Variants in PCYT1A observed in about 807,000 individuals in gnomAD.
PCYT1A encodes the protein phosphate cytidylyltransferase 1A, choline.
A neutral mutation model predicts 43.7 loss-of-function variants in PCYT1A; 25 were observed. The observed-to-expected ratio is 0.57, with a 90% CI of 0.42 to 0.80. PCYT1A has a LOEUF of 0.80. Among genes scored for constraint, PCYT1A ranks in the 30% least tolerant of loss-of-function variants. The pLI is 0.00. For missense variants in PCYT1A, 421 were observed against 474.2 expected (o/e 0.89, Z 1.04); for synonymous variants, 172 against 170.7 (o/e 1.01, Z -0.06).
Position 196,273,566 on chromosome 3 carries a change from G to A in PCYT1A, c.-10-3025C>T, listed in dbSNP as rs138252041. 7.4e-4 allele frequency among the ~76,000 whole-genome samples: 112 copies of A among 150,806 alleles called. No individual in the cohort carries two copies. The highest frequency in any genetic ancestry group is 2.6e-3 in the African/African-American group (105 of 40,136). The stretch of plus-strand genomic sequence containing the variant: ...TCCCAGCATCTGTGCAGCCCTCAGC[G>A]GAGAGGAGACCCAGAGTGGATAGCT... On this transcript the variant is annotated intron_variant, in intron 1 of 8. Transcript: ENST00000431016. This position sits in a 1 kb window ranked among gnomAD's most constrained non-coding sequence, Gnocchi z 4.1.
At chr3:196,255,778 T>C (rs1356567995) in intron 3 of PCYT1A, among the ~76,000 whole-genome samples, 1 of 152,190 alleles carries the variant, frequency 6.6e-6, no homozygotes, top group Non-Finnish European at 1.5e-5. Flanking sequence ...ATAGACAAAT[T>C]AGCAACAAAC....
intron 2 of PCYT1A, among the ~76,000 whole-genome samples, chr3:196,267,036 G>A (rs563160010): frequency 3.8e-4 from 58 of 152,044 alleles, no homozygotes; most frequent in South Asian, 1.2e-3. Context: ...AAAATCAGCC[G>A]GATGTGGTGG....
intron 3 of PCYT1A, among the ~76,000 whole-genome samples, chr3:196,251,120 A>G (rs982356552): frequency 6.6e-6 from 1 of 151,302 alleles, no homozygotes; most frequent in South Asian, 2.1e-4. Context: ...GATCAGATAC[A>G]CCATGCTGAG....
At chr3:196,254,032 ATT>A (rs900744793) in intron 3 of PCYT1A, among the ~76,000 whole-genome samples, 1 of 146,026 alleles carries the variant, frequency 6.8e-6, no homozygotes. Context: ...AGATAGATAG[ATT>A]TTTTTTTTTT....
Position 196,250,106 on chromosome 3 carries a change from G to C in PCYT1A, c.218-1783C>G, listed in dbSNP as rs113482302. Among the ~76,000 whole-genome samples the C allele has an allele frequency of 4.5e-5, 5 of 110,888 alleles. No homozygotes were observed. The Admixed American group carries it at 4.7e-4, about 10-fold the overall frequency. The allele number at this position is 110,888 out of a possible 152,430, so 72.7% of individuals were successfully genotyped here. A position where few individuals can be genotyped will look rare whatever the true frequency, so the allele number is the denominator to read the frequency against. ...ACACCATGCCGAGGCTGAGGACCAG[G>C]TACACCATGCCGAGGCTGAGGACCA... On this transcript the variant is annotated intron_variant, in intron 3 of 8. Coordinates refer to ENST00000431016, the MANE Select transcript of PCYT1A (RefSeq NM_001312673.2).
At chr3:196,285,790 T>C (rs749759545) in intron 1 of PCYT1A, among the ~76,000 whole-genome samples, 13 of 152,214 alleles carry the variant, frequency 8.5e-5, no homozygotes, top group Admixed American at 3.9e-4. Flanking sequence ...TTACTGCTAT[T>C]ACTGCACTAA....
At chr3:196,264,352 G>A (rs1410321352) in intron 2 of PCYT1A, among the ~76,000 whole-genome samples, 1 of 152,128 alleles carries the variant, frequency 6.6e-6, no homozygotes, top group Non-Finnish European at 1.5e-5. Flanking sequence ...GCCTCCTGAA[G>A]GGCTGCGATT....
At chr3:196,245,200 G>C in intron 5 of PCYT1A, among the ~76,000 whole-genome samples, 1 of 149,826 alleles carries the variant, frequency 6.7e-6, no homozygotes, top group Non-Finnish European at 1.5e-5. Flanking sequence ...GGAGTGTAGT[G>C]GCACAGTCTC....
rs372564245 is a variant in PCYT1A at position 196,282,747 on chromosome 3, C to T, written c.-11+4868G>A. Among the ~76,000 whole-genome samples the T allele has an allele frequency of 6.6e-6, 1 of 152,050 alleles. No homozygotes were observed. The highest frequency in any genetic ancestry group is 6.6e-5 in the Admixed American group (1 of 15,254). ...CCATAACACAAAAAAGATTAAGATTCCTGTTCTACGGTCAAAAAATAAAGA... is the reference window on the plus strand; with the variant it reads ...CCATAACACAAAAAAGATTAAGATTTCTGTTCTACGGTCAAAAAATAAAGA... On this transcript the variant is annotated intron_variant, in intron 1 of 8. Coordinates refer to ENST00000431016, the MANE Select transcript of PCYT1A (RefSeq NM_001312673.2). This position sits in a 1 kb window ranked among gnomAD's most constrained non-coding sequence, Gnocchi z 4.3.
At position 196,276,163 on chromosome 3, in the gene PCYT1A, G is replaced by A. The variant is rs573420737; in HGVS notation, c.-10-5622C>T. ...TTTATATTTCAAAATTGCTAAAAGA[G>A]TAGATTTTAAATGTTTTCACCACAA... On this transcript the variant is annotated intron_variant, in intron 1 of 8. Coordinates refer to ENST00000431016, the MANE Select transcript of PCYT1A (RefSeq NM_001312673.2). Among the ~76,000 whole-genome samples the A allele has an allele frequency of 3.3e-5, 5 of 151,204 alleles. No homozygotes were observed. In the East Asian group the frequency reaches 7.7e-4, roughly 23 times the overall value.
chr3:196,285,460 A>AAAATAAATAAAT (rs140101571), intron 1 of PCYT1A, among the ~76,000 whole-genome samples: 1 of 151,306 alleles, frequency 6.6e-6, no homozygotes, highest in Admixed American at 6.6e-5. Context: ...CTCTGTCTCA[A>AAAATAAATAAAT]AAATAAATAA....
chr3:196,242,710 G>T lies in PCYT1A; in HGVS notation c.487-70C>A. ...CAGAAAGACCCAGTCAATGTTCTCA[G>T]GCCCAGAAAAAGGACAATAGGCAGA... On this transcript the variant is annotated intron_variant, in intron 5 of 8. Coordinates refer to ENST00000431016, the MANE Select transcript of PCYT1A (RefSeq NM_001312673.2). This position sits in a 1 kb window ranked among gnomAD's most constrained non-coding sequence, Gnocchi z 4.2. The T allele has an allele frequency of 9.4e-7, 1 of 1,062,598 alleles. No individual in the cohort carries two copies. The highest frequency in any genetic ancestry group is 1.5e-6 in the Non-Finnish European group (1 of 678,484). The allele number at this position is 1,062,598 out of a possible 1,614,324, so 65.8% of individuals were successfully genotyped here. A position where few individuals can be genotyped will look rare whatever the true frequency, so the allele number is the denominator to read the frequency against.
intron 2 of PCYT1A, among the ~76,000 whole-genome samples, chr3:196,269,755 T>C (rs1276933645): frequency 6.6e-6 from 1 of 152,048 alleles, no homozygotes; most frequent in Non-Finnish European, 1.5e-5. Flanking sequence ...GGAGGAATGA[T>C]AGAGGGAGAA....
chr3:196,261,808 A>G (rs1725119090), intron 2 of PCYT1A, among the ~76,000 whole-genome samples: 1 of 151,332 alleles, frequency 6.6e-6, no homozygotes, highest in African/African-American at 2.4e-5. Flanking sequence ...AAAAAAAGAG[A>G]TATTTTAAGT....
Position 196,247,381 on chromosome 3 carries a change from G to A in PCYT1A, c.472C>T (p.Leu158=). The A allele has an allele frequency of 6.2e-7, 1 of 1,614,138 alleles. No individual in the cohort carries two copies. Among genetic ancestry groups the A allele is most frequent in the Non-Finnish European group, 8.5e-7 (1 of 1,180,026 alleles). Residue 158 remains leucine (L), a synonymous_variant, in exon 5 of 9, where the codon CTG becomes TTG. Coordinates refer to ENST00000431016, the MANE Select transcript of PCYT1A (RefSeq NM_001312673.2). This position sits in a 1 kb window ranked among gnomAD's most constrained non-coding sequence, Gnocchi z 4.8. ...CAGTTTCTTACCCGGTGTTCGGCCA[G>A]GAACTCGGGTGTCAGCGTCCAGGGC... ...NAPWTLTPEF[L]AEHRIDFVAH...
chr3:196,273,781 C>A lies in PCYT1A; in HGVS notation c.-10-3240G>T, dbSNP rs551537464. Among the ~76,000 whole-genome samples, 658 of 152,288 alleles carry A rather than the reference C, an allele frequency of 4.3e-3. 4 individuals carry two copies. The highest frequency in any genetic ancestry group is 8.1e-3 in the Non-Finnish European group (553 of 68,018). ...GCAGCCACAGGCAGCCCGGAAAAAG[C>A]ATCGTAAGTTCTCATTCCAGTCCAC... On this transcript the variant is annotated intron_variant, in intron 1 of 8. Transcript: ENST00000431016. The surrounding 1 kb of genome is among the most constrained non-coding windows in gnomAD (Gnocchi z 4.1).
In PCYT1A at chr3:196,241,993, C is replaced by A. The variant is rs764573315; in HGVS notation, c.663G>T (p.Leu221=). ...RDYDVYARRN[L]QRGYTAKELN... ...GCTCCTTTGCTGTGTAGCCCCTCTG[C>A]AGGTTCCGCCTCGCATACACATCAT... The change falls in exon 7 of 9, where the codon CTG becomes CTT. Residue 221 remains leucine, a synonymous_variant. Coordinates refer to ENST00000431016, the MANE Select transcript of PCYT1A (RefSeq NM_001312673.2). The A allele has an allele frequency of 3.1e-6, 5 of 1,614,170 alleles. No homozygotes were observed. The highest frequency in any genetic ancestry group is 1.1e-5 in the South Asian group (1 of 91,080).
intron 2 of PCYT1A, among the ~76,000 whole-genome samples, chr3:196,258,196 G>A (rs1038037973): frequency 1.3e-5 from 2 of 150,002 alleles, no homozygotes; most frequent in African/African-American, 4.9e-5. Context: ...TGAGGCAGGA[G>A]AATCGCTTGA....
intron 3 of PCYT1A, among the ~76,000 whole-genome samples, chr3:196,257,031 T>C (rs927886274): frequency 2.0e-5 from 3 of 152,112 alleles, no homozygotes; most frequent in African/African-American, 7.2e-5. Flanking sequence ...AGAGAACACT[T>C]AGTAATCAGA....
Sources: allele counts gnomAD v4.1 joint callset (sites outside exome capture counted in the v4.1 genomes callset), GRCh38; gene constraint gnomAD v4.1.1; non-coding constraint Gnocchi (gnomAD v3.1); transcripts MANE v1.5; gene names NCBI Gene and HGNC (gene_info 2026-07-23, HGNC 2026-07-21).